The following IQSEC1 variants were observed in gnomAD, a reference collection of about 807,000 sequenced individuals.
IQSEC1 encodes the protein IQ motif and SEC7 domain-containing protein 1.
In IQSEC1, 31 loss-of-function variants were observed where a neutral mutation model predicts 91.0. The observed-to-expected ratio is 0.34, with a 90% CI of 0.26 to 0.46. The LOEUF is 0.46. IQSEC1 is among the 20% of genes least tolerant of loss of function. IQSEC1 has a pLI of 1.00. For synonymous variants in IQSEC1, 699 were observed against 662.6 expected, an observed-to-expected ratio of 1.05 and a Z score of -0.84; for missense variants, 1,388 against 1,575.6, an observed-to-expected ratio of 0.88 and a Z score of 2.02.
At chr3:13,113,216 T>A (rs1559257741) in intron 2 of IQSEC1, among the ~76,000 whole-genome samples, 1 of 152,160 alleles carries the variant, frequency 6.6e-6, no homozygotes, top group Non-Finnish European at 1.5e-5. Flanking sequence ...CGGCTGCCCC[T>A]TTGCCTTGGT....
At chr3:13,078,105 C>T (rs190552622), upstream of IQSEC1, among the ~76,000 whole-genome samples, 626 of 152,262 alleles carry the variant, frequency 4.1e-3, 2 homozygotes, top group African/African-American at 0.012. Context: ...CACGGGGCCA[C>T]GCTGGCTGGA....
intron 1 of IQSEC1, among the ~76,000 whole-genome samples, chr3:13,061,915 A>G (rs1312599090): frequency 1.3e-5 from 2 of 152,216 alleles, no homozygotes; most frequent in Non-Finnish European, 2.9e-5. Context: ...GCCAGTCAGC[A>G]CATGGCTCCT....
rs561457231 is a variant in IQSEC1, at chr3:13,082,080, C to T, written c.303-34558G>A. On this transcript the variant is annotated intron_variant, in intron 2 of 15. Transcript: ENST00000648114. Reference sequence around the variant, plus strand: ...TATCCTTGAGTGGAAGCAGTGGCCCCCGAGTCGCGCAGGGCAGCAGCGTGT... The same window carrying T: ...TATCCTTGAGTGGAAGCAGTGGCCCTCGAGTCGCGCAGGGCAGCAGCGTGT... Among the ~76,000 whole-genome samples the T allele has an allele frequency of 6.6e-5, 10 of 152,250 alleles. No homozygotes were observed. The South Asian group carries it at 1.9e-3, about 28-fold the overall frequency.
intron 3 of IQSEC1, among the ~76,000 whole-genome samples, chr3:12,929,796 C>T (rs542154339): frequency 2.0e-5 from 3 of 152,220 alleles, no homozygotes; most frequent in African/African-American, 7.2e-5. Context: ...TCTGTACCCC[C>T]GGCCCTGCTG....
rs1319763545 is a variant in IQSEC1, at chr3:12,897,394, C to T, written c.*3589G>A. On this transcript the variant is annotated 3_prime_UTR_variant, in exon 14 of 14. Transcript: ENST00000613206. ...TTGTGAGGGAGGTGTCCCTTGAAGT[C>T]TCTGAACAGTCTGGGGATTCAGGAC... 1.3e-5 allele frequency: 2 copies of T among 152,228 alleles called. No homozygotes were observed. Among genetic ancestry groups the T allele is most frequent in the Non-Finnish European group, 2.9e-5 (2 of 68,044 alleles). The allele number at this position is 152,228 out of a possible 1,614,324, so 9.4% of individuals were successfully genotyped here. A position where few individuals can be genotyped will look rare whatever the true frequency, so the allele number is the denominator to read the frequency against.
At chr3:13,245,692 A>G (rs1009609126) in intron 1 of IQSEC1, among the ~76,000 whole-genome samples, 2 of 150,976 alleles carry the variant, frequency 1.3e-5, no homozygotes, top group African/African-American at 4.9e-5. Flanking sequence ...GCTTGAACCC[A>G]GGAGGTGGAG....
At chr3:12,981,408 G>A (rs1266808251) in intron 1 of IQSEC1, among the ~76,000 whole-genome samples, 1 of 152,140 alleles carries the variant, frequency 6.6e-6, no homozygotes, top group Admixed American at 6.5e-5. Context: ...TTATGTATAT[G>A]TGAAACTCTG....
rs1288397107 is a variant in IQSEC1 at position 12,897,092 on chromosome 3, TCAGTC to T, written c.*3886_*3890del. 6.6e-6 allele frequency: 1 copy of T among 152,188 alleles called. No homozygotes were observed. Among genetic ancestry groups the T allele is most frequent in the Non-Finnish European group, 1.5e-5 (1 of 68,032 alleles). The allele number at this position is 152,188 out of a possible 1,614,324, so 9.4% of individuals were successfully genotyped here. A position where few individuals can be genotyped will look rare whatever the true frequency, so the allele number is the denominator to read the frequency against. On this transcript the variant is annotated 3_prime_UTR_variant, in exon 14 of 14. Coordinates refer to ENST00000613206, the MANE Select transcript of IQSEC1 (RefSeq NM_001134382.3). ...TTAAATTTTGTATCAGTGTCCTCAGTCAGTCCAATGTCTTCAAGGAAAGTGAGTGC... is the reference window on the plus strand; with the variant it reads ...TTAAATTTTGTATCAGTGTCCTCAGTCAATGTCTTCAAGGAAAGTGAGTGC...
upstream of IQSEC1, among the ~76,000 whole-genome samples, chr3:13,076,656 C>A (rs1466170198): frequency 6.6e-6 from 1 of 152,184 alleles, no homozygotes; most frequent in East Asian, 1.9e-4. Flanking sequence ...CCCACCCCCG[C>A]TGCTCCGTTC....
intron 1 of IQSEC1, among the ~76,000 whole-genome samples, chr3:13,209,960 C>A (rs1033029373): frequency 6.6e-6 from 1 of 151,984 alleles, no homozygotes; most frequent in Non-Finnish European, 1.5e-5. Flanking sequence ...ACCCACACAT[C>A]CCTTATTTTC....
intron 1 of IQSEC1, among the ~76,000 whole-genome samples, chr3:13,215,834 A>T (rs780159149): frequency 1.5e-4 from 23 of 152,136 alleles, no homozygotes; most frequent in Non-Finnish European, 2.8e-4. Context: ...CGTTTCTCAA[A>T]CGTCTCCTGT....
intron 1 of IQSEC1, among the ~76,000 whole-genome samples, chr3:13,043,298 A>C (rs1576207375): frequency 6.6e-6 from 1 of 151,496 alleles, no homozygotes; most frequent in Non-Finnish European, 1.5e-5. Context: ...GCCCACCCTC[A>C]CCTCTCCCCT....
chr3:13,224,138 C>T (rs1694710783), intron 1 of IQSEC1, among the ~76,000 whole-genome samples: 1 of 152,096 alleles, frequency 6.6e-6, no homozygotes, highest in Admixed American at 6.5e-5. Flanking sequence ...GAAGACTACA[C>T]AATCCAGGGC....
intron 1 of IQSEC1, among the ~76,000 whole-genome samples, chr3:12,972,970 G>A (rs571291923): frequency 6.6e-6 from 1 of 152,330 alleles, no homozygotes; most frequent in South Asian, 2.1e-4. Context: ...AATGTTTCCA[G>A]ATAAATAAAG....
chr3:12,923,261 G>A (rs991448739), intron 4 of IQSEC1, among the ~76,000 whole-genome samples: 3 of 152,118 alleles, frequency 2.0e-5, no homozygotes, highest in Non-Finnish European at 2.9e-5. Flanking sequence ...GATTTCCTAA[G>A]GACCAGGGAC....
rs1236335256 is a variant in IQSEC1, at chr3:13,026,877, TTGTTTG to T, written c.23+46109_23+46114del. On this transcript the variant is annotated intron_variant, in intron 1 of 13. Transcript: ENST00000613206. ...ATTATCTCCCCAGTTTTTTTTTTTT[TTGTTTG>T]TTTTTTTTTTTACCAATTAATAAAC... Among the ~76,000 whole-genome samples the T allele has an allele frequency of 6.2e-4, 30 of 48,002 alleles. 1 individual carries two copies. The highest frequency in any genetic ancestry group is 8.4e-4 in the African/African-American group (18 of 21,542). The allele number at this position is 48,002 out of a possible 152,430, so 31.5% of individuals were successfully genotyped here. A position where few individuals can be genotyped will look rare whatever the true frequency, so the allele number is the denominator to read the frequency against.
At chr3:13,187,554 A>G (rs1311880844) in intron 1 of IQSEC1, among the ~76,000 whole-genome samples, 3 of 152,156 alleles carry the variant, frequency 2.0e-5, no homozygotes, top group Non-Finnish European at 4.4e-5. Context: ...TGGGGTTTCC[A>G]TGAAAGCAGT....
chr3:12,967,735 G>GGGGCA lies in IQSEC1; in HGVS notation c.24-25875_24-25871dup, dbSNP rs1041790330. 1.6e-4 allele frequency: 166 copies of GGGGCA among 1,061,144 alleles called. No individual in the cohort carries two copies. Among genetic ancestry groups the GGGGCA allele is most frequent in the Non-Finnish European group, 1.8e-4 (161 of 879,854 alleles). The allele number at this position is 1,061,144 out of a possible 1,614,324, so 65.7% of individuals were successfully genotyped here. ...GGAGGAATGTGGCCCTGAAGTGGGCGGGGCAGGGCGGGGGCGGGGCCGGAG... is the reference window on the plus strand; with the variant it reads ...GGAGGAATGTGGCCCTGAAGTGGGCGGGGCAGGGCAGGGCGGGGGCGGGGCCGGAG... On this transcript the variant is annotated intron_variant, in intron 1 of 13. Transcript: ENST00000613206. This position sits in a 1 kb window ranked among gnomAD's most constrained non-coding sequence, Gnocchi z 5.9.
intron 1 of IQSEC1, among the ~76,000 whole-genome samples, chr3:13,241,078 C>T (rs9848369): frequency 0.042 from 6,344 of 152,246 alleles, 422 homozygotes; most frequent in African/African-American, 0.14. Context: ...CAGAATGTGC[C>T]GCACAGTCCA....
Sources: allele counts gnomAD v4.1 joint callset (sites outside exome capture counted in the v4.1 genomes callset), GRCh38; gene constraint gnomAD v4.1.1; non-coding constraint Gnocchi (gnomAD v3.1); transcripts MANE v1.5; gene names NCBI Gene and HGNC (gene_info 2026-07-23, HGNC 2026-07-21).